Variants in TBC1D5 observed in about 807,000 individuals in gnomAD.
The protein encoded by TBC1D5 is TBC1 domain family, member 5.
A neutral mutation model predicts 100.3 loss-of-function variants in TBC1D5; 75 were observed. That is an observed-to-expected ratio of 0.75 (90% CI 0.62 to 0.91). TBC1D5 has a LOEUF of 0.91. Among genes scored for constraint, TBC1D5 ranks in the 40% least tolerant of loss-of-function variants. The pLI is 0.00. For synonymous variants in TBC1D5, 323 were observed against 325.6 expected, an observed-to-expected ratio of 0.99 and a Z score of 0.09; for missense variants, 910 against 942.4, an observed-to-expected ratio of 0.97 and a Z score of 0.45.
chr3:17,193,786 A>C (rs1206153246), intron 18 of TBC1D5, among the ~76,000 whole-genome samples: 1 of 152,208 alleles, frequency 6.6e-6, no homozygotes, highest in East Asian at 1.9e-4. Flanking sequence ...CAGTGACCTT[A>C]TAGCGTTGCT....
intron 3 of TBC1D5, among the ~76,000 whole-genome samples, chr3:17,429,670 T>C (rs1421213887): frequency 6.6e-6 from 1 of 151,934 alleles, no homozygotes; most frequent in East Asian, 1.9e-4. Context: ...GAGTATAGTA[T>C]CTAAGGTACT....
chr3:17,615,603 G>A (rs143844375), intron 2 of TBC1D5, among the ~76,000 whole-genome samples: 176 of 152,118 alleles, frequency 1.2e-3, no homozygotes, highest in African/African-American at 4.0e-3. Context: ...CTTCTTCCTC[G>A]TTTGGTCTTA....
At chr3:17,609,600 T>G (rs1200835717) in intron 2 of TBC1D5, among the ~76,000 whole-genome samples, 1 of 152,202 alleles carries the variant, frequency 6.6e-6, no homozygotes, top group Non-Finnish European at 1.5e-5. Context: ...CTTATCTTTT[T>G]TGGGGGTTTG....
At chr3:17,548,611 T>A (rs987235034) in intron 2 of TBC1D5, among the ~76,000 whole-genome samples, 1 of 152,174 alleles carries the variant, frequency 6.6e-6, no homozygotes, top group African/African-American at 2.4e-5. Context: ...GTAGCTACTG[T>A]TGAGGGGAGA....
chr3:17,501,163 T>TA lies in TBC1D5; in HGVS notation c.97+7310dup, dbSNP rs990410710. Among the ~76,000 whole-genome samples, 23 of 149,590 alleles carry TA rather than the reference T, an allele frequency of 1.5e-4. 1 individual carries two copies. The highest frequency in any genetic ancestry group is 1.4e-3 in the Admixed American group (21 of 15,160). The stretch of plus-strand genomic sequence containing the variant: ...CCTTACAGTCTAACTTACAGTTTTT[T>TA]ATCTATCTAAACTGCCATTTTCCTT... On this transcript the variant is annotated intron_variant, in intron 3 of 21. Transcript: ENST00000253692.
chr3:17,303,671 C>G (rs2150426124), intron 14 of TBC1D5, among the ~76,000 whole-genome samples: 1 of 152,180 alleles, frequency 6.6e-6, no homozygotes, highest in Non-Finnish European at 1.5e-5. Flanking sequence ...TCTACCTCAC[C>G]CAATTCTTTG....
intron 14 of TBC1D5, among the ~76,000 whole-genome samples, chr3:17,296,412 C>A (rs1173269673): frequency 6.6e-6 from 1 of 152,172 alleles, no homozygotes; most frequent in Non-Finnish European, 1.5e-5. Flanking sequence ...GGAAAAAACA[C>A]ATAATTACTG....
chr3:17,184,929 G>T, intron 19 of TBC1D5, 180 bp downstream of exon 20: 1 of 404,864 alleles, frequency 2.5e-6, no homozygotes, highest in Non-Finnish European at 4.4e-6. Context: ...CTATGCCTTG[G>T]TTTCTTCATC....
At chr3:17,657,329 CTT>C (rs35431642) in intron 1 of TBC1D5, among the ~76,000 whole-genome samples, 50 of 107,018 alleles carry the variant, frequency 4.7e-4, no homozygotes, top group East Asian at 2.1e-3. Context: ...CAAATTCTTT[CTT>C]TTTTTTTTTT....
chr3:17,713,398 C>T (rs111406711), intron 1 of TBC1D5, among the ~76,000 whole-genome samples: 4,222 of 152,064 alleles, frequency 0.028, 103 homozygotes, highest in Non-Finnish European at 0.05. Context: ...CCCGTCACCA[C>T]GCCCGGCTAA....
intron 3 of TBC1D5, among the ~76,000 whole-genome samples, chr3:17,451,460 T>G (rs147355680): frequency 6.6e-6 from 1 of 152,088 alleles, no homozygotes; most frequent in Non-Finnish European, 1.5e-5. Flanking sequence ...TACCATCTCA[T>G]GTCAGTTAGA....
intron 16 of TBC1D5, among the ~76,000 whole-genome samples, chr3:17,248,193 T>C (rs1483503022): frequency 6.6e-6 from 1 of 152,184 alleles, no homozygotes; most frequent in Non-Finnish European, 1.5e-5. Context: ...GGTTTCACCA[T>C]GTTGGCCAGG....
At chr3:17,431,265 CAAATACAGT>C (rs147198200) in intron 3 of TBC1D5, among the ~76,000 whole-genome samples, 167 of 151,976 alleles carry the variant, frequency 1.1e-3, no homozygotes, top group African/African-American at 3.9e-3. Flanking sequence ...CACACACATA[CAAATACAGT>C]ATTAATGTAA....
chr3:17,636,869 C>CA (rs1469740464), intron 1 of TBC1D5, among the ~76,000 whole-genome samples: 1 of 151,798 alleles, frequency 6.6e-6, no homozygotes, highest in African/African-American at 2.4e-5. Flanking sequence ...CCAACAAACT[C>CA]AAAAGTGACC....
chr3:17,467,277 C>T (rs905903272), intron 3 of TBC1D5, among the ~76,000 whole-genome samples: 5 of 133,012 alleles, frequency 3.8e-5, no homozygotes, highest in African/African-American at 1.1e-4. Flanking sequence ...CCAGCTTCTG[C>T]CAGACCTTCT....
intron 1 of TBC1D5, among the ~76,000 whole-genome samples, chr3:17,727,035 C>T (rs560698581): frequency 1.7e-4 from 26 of 152,218 alleles, no homozygotes; most frequent in African/African-American, 5.3e-4. Flanking sequence ...ATATGTATAA[C>T]GGCTGTGGAA....
chr3:17,535,890 C>CA (rs997205938), intron 2 of TBC1D5, among the ~76,000 whole-genome samples: 4 of 150,560 alleles, frequency 2.7e-5, no homozygotes, highest in Admixed American at 6.6e-5. Context: ...TGGCAATTAC[C>CA]AAAAAAAAAT....
intron 3 of TBC1D5, among the ~76,000 whole-genome samples, chr3:17,443,472 C>A (rs1158304940): frequency 6.6e-6 from 1 of 152,210 alleles, no homozygotes; most frequent in Non-Finnish European, 1.5e-5. Context: ...TATCAAACAA[C>A]TTTATCAGCC....
intron 9 of TBC1D5, among the ~76,000 whole-genome samples, chr3:17,380,922 AG>A (rs955466066): frequency 3.3e-5 from 5 of 152,114 alleles, no homozygotes; most frequent in African/African-American, 1.2e-4. Flanking sequence ...GATGTTTAAC[AG>A]GGTGTCACCT....
Sources: allele counts gnomAD v4.1 joint callset (sites outside exome capture counted in the v4.1 genomes callset), GRCh38; gene constraint gnomAD v4.1.1; transcripts MANE v1.5; gene names NCBI Gene and HGNC (gene_info 2026-07-23, HGNC 2026-07-21).